ADAMTSL1: variants seen among roughly 807,000 people sequenced by gnomAD.
ADAMTSL1 encodes the protein ADAMTS like 1, also known as ADAMTS-like protein 1.
ADAMTSL1 carries 126 observed loss-of-function variants against 201.8 expected under a neutral mutation model. The ratio of observed to expected loss-of-function variants is 0.62; its 90% CI spans 0.54 to 0.72. ADAMTSL1 has a LOEUF of 0.72. Among genes scored for constraint, ADAMTSL1 ranks in the 30% least tolerant of loss-of-function variants. The pLI, the probability that ADAMTSL1 is intolerant of heterozygous loss-of-function variation, is 0.00. For synonymous variants in ADAMTSL1, 1,121 were observed against 903.4 expected (o/e 1.24, Z -4.32); for missense variants, 2,679 against 2,277.8 (o/e 1.18, Z -3.59).
chr9:17,959,739 A>C (rs1255561370), intron 1 of ADAMTSL1, among the ~76,000 whole-genome samples: 1 of 152,222 alleles, frequency 6.6e-6, no homozygotes. Flanking sequence ...TATAGGAGCA[A>C]GCCACTGCAC....
chr9:18,534,115 A>G (rs547052891), intron 3 of ADAMTSL1, among the ~76,000 whole-genome samples: 5 of 152,328 alleles, frequency 3.3e-5, no homozygotes, highest in African/African-American at 1.2e-4. Flanking sequence ...TTCAAAGTTT[A>G]TATTAGTTCA....
intron 15 of ADAMTSL1, among the ~76,000 whole-genome samples, chr9:18,731,290 C>T (rs1469602197): frequency 6.6e-6 from 1 of 152,138 alleles, no homozygotes; most frequent in Non-Finnish European, 1.5e-5. Context: ...GTGTATTAGG[C>T]TGTTCTCACG....
Position 18,299,544 on chromosome 9 carries a change from C to T in ADAMTSL1, c.207+135563C>T, listed in dbSNP as rs182764704. ...GAAGAGAGATCTCAGGGAGAGAACACAAGGAACAGGCTTATTTACGACTCC... is the reference window on the plus strand; with the variant it reads ...GAAGAGAGATCTCAGGGAGAGAACATAAGGAACAGGCTTATTTACGACTCC... On this transcript the variant is annotated intron_variant, in intron 2 of 29. Coordinates refer to the ADAMTSL1 transcript ENST00000680146. 2.0e-3 allele frequency among the ~76,000 whole-genome samples: 311 copies of T among 152,230 alleles called. No individual in the cohort carries two copies. The South Asian group carries it at 0.022, about 11-fold the overall frequency.
At chr9:18,714,319 T>G (rs1338189472) in intron 14 of ADAMTSL1, among the ~76,000 whole-genome samples, 7 of 151,854 alleles carry the variant, frequency 4.6e-5, no homozygotes, top group African/African-American at 1.7e-4. Context: ...GAGCTGGTTT[T>G]TTGAAAGGAT....
intron 1 of ADAMTSL1, among the ~76,000 whole-genome samples, chr9:18,132,023 G>T (rs1245001173): frequency 6.6e-6 from 1 of 152,050 alleles, no homozygotes; most frequent in Non-Finnish European, 1.5e-5. Flanking sequence ...GAATCACTCT[G>T]ATTTGTCACC....
intron 3 of ADAMTSL1, among the ~76,000 whole-genome samples, chr9:18,537,420 G>T (rs1248180991): frequency 6.6e-6 from 1 of 152,192 alleles, no homozygotes; most frequent in Non-Finnish European, 1.5e-5. Flanking sequence ...AAGAGAGTTT[G>T]CTGTGTCAAG....
At chr9:17,908,030 T>G (rs979523043) in intron 1 of ADAMTSL1, among the ~76,000 whole-genome samples, 1 of 152,180 alleles carries the variant, frequency 6.6e-6, no homozygotes, top group Non-Finnish European at 1.5e-5. Flanking sequence ...CAACTTGTTT[T>G]CCGATCTCTA....
chr9:18,502,743 A>T (rs1363438083), intron 1 of ADAMTSL1, among the ~76,000 whole-genome samples: 3 of 152,172 alleles, frequency 2.0e-5, no homozygotes, highest in African/African-American at 4.8e-5. Context: ...CACCAGGCAG[A>T]TGCAATATGA....
intron 1 of ADAMTSL1, among the ~76,000 whole-genome samples, chr9:17,942,104 G>C (rs541881864): frequency 6.6e-6 from 1 of 152,054 alleles, no homozygotes; most frequent in African/African-American, 2.4e-5. Flanking sequence ...TATATAATAG[G>C]CAAATTCGTT....
At chr9:18,830,920 C>G (rs1824936804) in intron 23 of ADAMTSL1, among the ~76,000 whole-genome samples, 1 of 152,192 alleles carries the variant, frequency 6.6e-6, no homozygotes, top group Non-Finnish European at 1.5e-5. Context: ...ACAATAACAG[C>G]TAGAATTATT....
At chr9:18,748,349 T>C (rs1265413117) in intron 15 of ADAMTSL1, among the ~76,000 whole-genome samples, 1 of 152,180 alleles carries the variant, frequency 6.6e-6, no homozygotes, top group Non-Finnish European at 1.5e-5. Flanking sequence ...GTCTTTCAGA[T>C]TCCAAATTTT....
intron 2 of ADAMTSL1, among the ~76,000 whole-genome samples, chr9:18,362,813 A>ACT (rs1197951185): frequency 2.0e-5 from 3 of 152,212 alleles, no homozygotes; most frequent in Non-Finnish European, 4.4e-5. Flanking sequence ...TAGTTAGGCA[A>ACT]AACCTAAAAT....
intron 2 of ADAMTSL1, among the ~76,000 whole-genome samples, chr9:18,181,438 A>G (rs1288626770): frequency 6.6e-6 from 1 of 152,182 alleles, no homozygotes; most frequent in Non-Finnish European, 1.5e-5. Context: ...ACAAATTTAC[A>G]AGAAAAAAAC....
chr9:18,541,448 C>T (rs145627635), intron 3 of ADAMTSL1, among the ~76,000 whole-genome samples: 3,072 of 150,956 alleles, frequency 0.02, 42 homozygotes, highest in African/African-American at 0.033. Context: ...AGGTGGAGGT[C>T]GCAGTGAGCT....
intron 3 of ADAMTSL1, chr9:18,573,362 G>A (rs13299349): frequency 0.27 from 42,116 of 154,628 alleles, 6,289 homozygotes; most frequent in Admixed American, 0.36. Context: ...TGTTAGAATA[G>A]GGGCAATAAC....
At chr9:17,928,851 A>AT (rs1235076107) in intron 1 of ADAMTSL1, among the ~76,000 whole-genome samples, 1 of 152,214 alleles carries the variant, frequency 6.6e-6, no homozygotes, top group Non-Finnish European at 1.5e-5. Flanking sequence ...AATTGCACAC[A>AT]TGGCATGGTG....
chr9:18,646,173 T>C (rs1827798428), intron 7 of ADAMTSL1, among the ~76,000 whole-genome samples: 2 of 151,838 alleles, frequency 1.3e-5, no homozygotes, highest in African/African-American at 2.4e-5. Flanking sequence ...AGTTCACTCA[T>C]GATTTGGCTC....
rs765103865 is a variant in ADAMTSL1 at position 18,657,632 on chromosome 9, C to T, written c.835-7C>T. 4.5e-5 allele frequency: 72 copies of T among 1,609,922 alleles called. No individual in the cohort carries two copies. In the Admixed American group the frequency reaches 1.2e-3, roughly 27 times the overall value. ...CATTACTTCTACTTTCCTGTTGACTCCTGCAGATTCGTAACTCGGGCTCCG... is the reference window on the plus strand; with the variant it reads ...CATTACTTCTACTTTCCTGTTGACTTCTGCAGATTCGTAACTCGGGCTCCG... On this transcript the variant is annotated splice_polypyrimidine_tract_variant and splice_region_variant and intron_variant, in intron 7 of 28. Coordinates refer to ENST00000380548, the MANE Select transcript of ADAMTSL1 (RefSeq NM_001040272.6).
chr9:18,247,419 A>G (rs1831300495), intron 2 of ADAMTSL1, among the ~76,000 whole-genome samples: 1 of 152,214 alleles, frequency 6.6e-6, no homozygotes, highest in South Asian at 2.1e-4. Context: ...TTTAACAAAT[A>G]CATATTCAGA....
Sources: gnomAD v4.1 joint callset for allele counts (sites outside exome capture counted in the v4.1 genomes callset) on GRCh38, gnomAD v4.1.1 for gene constraint, MANE v1.5 for transcripts, NCBI Gene and HGNC (gene_info 2026-07-23, HGNC 2026-07-21) for gene names.